DOCK11: variants seen among roughly 807,000 people sequenced by gnomAD.
The protein encoded by DOCK11 is dedicator of cytokinesis 11, also known as dedicator of cytokinesis protein 11.
In DOCK11, 70 loss-of-function variants were observed where a neutral mutation model predicts 169.1. The ratio of observed to expected loss-of-function variants is 0.41; its 90% CI spans 0.34 to 0.51. The LOEUF (loss-of-function observed/expected upper bound fraction) is 0.51, where lower values mean the gene tolerates loss of function less well. Ranked by LOEUF, DOCK11 falls within the 20% of genes least tolerant of loss-of-function variation. The probability of loss-of-function intolerance (pLI) is 0.10; values close to 1 mark genes in which losing one functional copy is unlikely to be tolerated. For synonymous variants in DOCK11, 529 were observed against 541.3 expected (o/e 0.98, Z 0.32); for missense variants, 1,166 against 1,538.8 (o/e 0.76, Z 4.05).
chrX:118,638,263 A>G, intron 37 of DOCK11, 136 bp downstream of exon 37: 1 of 562,154 alleles, frequency 1.8e-6, no homozygotes, highest in Admixed American at 3.6e-5. Context: ...AACATGTCCC[A>G]ATTGAAAGTT....
intron 6 of DOCK11, among the ~76,000 whole-genome samples, chrX:118,553,907 C>T (rs1202982268): frequency 9.0e-6 from 1 of 111,682 alleles, no homozygotes; most frequent in Non-Finnish European, 1.9e-5. Flanking sequence ...TTTGTTTTCT[C>T]TCATTCATAT....
chrX:118,660,589 CGAGTAGCT>C (rs1463843405), intron 44 of DOCK11, among the ~76,000 whole-genome samples: 1 of 109,687 alleles, frequency 9.1e-6, no homozygotes, highest in Non-Finnish European at 1.9e-5. Flanking sequence ...CTCAGCCTCC[CGAGTAGCT>C]GGGACTACAG....
chrX:118,632,325 G>C (rs1218176674), intron 35 of DOCK11: 1 of 111,916 alleles, frequency 8.9e-6, no homozygotes, highest in Admixed American at 9.5e-5. Flanking sequence ...CTTGCTCAGT[G>C]GCAGTACTCT....
rs1054034267 is a variant in DOCK11 at position 118,583,713 on chromosome X, C to T, written c.1596-1022C>T. On this transcript the variant is annotated intron_variant, in intron 14 of 52. Transcript: ENST00000276202. ...ATGGGGCATTGGTTCCAGGATCTCC[C>T]ACAGATACCAAGATCTGCAAATGCT... is the stretch of plus-strand genomic sequence containing the variant. Among the ~76,000 whole-genome samples, 5 of 111,290 alleles carry T rather than the reference C, an allele frequency of 4.5e-5. No individual in the cohort carries two copies. In the Admixed American group the frequency reaches 4.8e-4, roughly 11 times the overall value.
At chrX:118,604,633 T>C (rs1281304467) in intron 23 of DOCK11, among the ~76,000 whole-genome samples, 2 of 107,481 alleles carry the variant, frequency 1.9e-5, no homozygotes, top group East Asian at 2.9e-4. Flanking sequence ...GTTTGTATTA[T>C]TTCTCTGTAT....
Position 118,639,540 on chromosome X carries a change from T to C in DOCK11, c.4107T>C (p.His1369=), listed in dbSNP as rs1327176667. The C allele has an allele frequency of 2.5e-6, 3 of 1,209,203 alleles. No individual in the cohort carries two copies. Among genetic ancestry groups the C allele is most frequent in the Non-Finnish European group, 3.4e-6 (3 of 894,697 alleles). Residue 1369 remains histidine (H), a synonymous_variant, in exon 38 of 53, where the codon CAT becomes CAC. Transcript: ENST00000276202. ...GAGTAATGCAGGCCCGGCTTCAGCA[T>C]CTTAGTAGCCTAGAAAGTTCATTTA... The part of the protein sequence containing the change: ...RSGVMQARLQ[H]LSSLESSFTL...
chrX:118,651,842 G>C (rs1256503471), intron 41 of DOCK11, 122 bp from the exon 42 acceptor site: 1 of 443,202 alleles, frequency 2.3e-6, no homozygotes, highest in East Asian at 3.8e-5. Context: ...CATTATGATG[G>C]TACAGTGTAG....
At chrX:118,592,764 C>T (rs971575344) in intron 19 of DOCK11, among the ~76,000 whole-genome samples, 38 of 112,183 alleles carry the variant, frequency 3.4e-4, no homozygotes, top group African/African-American at 1.2e-3. Context: ...ATAAGACCAT[C>T]GTTACTTTTT....
chrX:118,598,717 T>C (rs1012905170), intron 22 of DOCK11, among the ~76,000 whole-genome samples: 1 of 112,388 alleles, frequency 8.9e-6, no homozygotes, highest in African/African-American at 3.2e-5. Flanking sequence ...TGAAGTGCCA[T>C]GGTAAATTTG....
intron 1 of DOCK11, among the ~76,000 whole-genome samples, chrX:118,496,525 G>T (rs1214067795): frequency 2.7e-5 from 3 of 112,681 alleles, no homozygotes; most frequent in East Asian, 5.6e-4. Flanking sequence ...ACACACTCTC[G>T]CGCGCACACA....
At chrX:118,598,220 A>G in intron 22 of DOCK11, 104 bp downstream of exon 22, 1 of 539,988 alleles carries the variant, frequency 1.9e-6, no homozygotes, top group Admixed American at 3.1e-5. Context: ...GTGACCTGCA[A>G]GATTTTCTCA....
At chrX:118,547,478 A>G (rs141553368) in intron 6 of DOCK11, among the ~76,000 whole-genome samples, 50 of 112,343 alleles carry the variant, frequency 4.5e-4, no homozygotes, top group African/African-American at 1.5e-3. Context: ...ATAATAAGAG[A>G]AACCATTTAT....
intron 1 of DOCK11, among the ~76,000 whole-genome samples, chrX:118,515,420 A>T (rs1193140242): frequency 9.1e-6 from 1 of 110,315 alleles, no homozygotes; most frequent in Non-Finnish European, 1.9e-5. Flanking sequence ...TTTAGTAGAG[A>T]CGGGGTTTCT....
intron 1 of DOCK11, among the ~76,000 whole-genome samples, chrX:118,537,540 A>G (rs1055555365): frequency 8.9e-6 from 1 of 112,360 alleles, no homozygotes. Context: ...ACACATTTCT[A>G]ATGATAACAT....
At chrX:118,499,447 G>A (rs911161673) in intron 1 of DOCK11, among the ~76,000 whole-genome samples, 4 of 111,701 alleles carry the variant, frequency 3.6e-5, no homozygotes, top group African/African-American at 1.3e-4. Context: ...GCCAGATTTC[G>A]TATAATAGCT....
intron 14 of DOCK11, among the ~76,000 whole-genome samples, chrX:118,583,281 G>A (rs943829285): frequency 2.7e-5 from 3 of 110,520 alleles, no homozygotes; most frequent in African/African-American, 9.9e-5. Context: ...CCTTTCGGTG[G>A]GTTGGGGGGC....
Position 118,584,744 on chromosome X carries a change from C to A in DOCK11, c.1605C>A (p.Phe535Leu). 1 of 1,150,013 alleles carries A rather than the reference C, an allele frequency of 8.7e-7. No individual in the cohort carries two copies. The highest frequency in any genetic ancestry group is 1.2e-6 in the Non-Finnish European group (1 of 865,549). The allele number at this position is 1,150,013 out of a possible 1,213,427, so 94.8% of individuals were successfully genotyped here. The change falls in exon 15 of 53, where the codon TTC (phenylalanine) becomes TTA (leucine). Residue 535 changes from phenylalanine to leucine, a missense_variant. Phe to Leu is a conservative substitution (Grantham distance 22, BLOSUM62 0). Coordinates refer to ENST00000276202, the MANE Select transcript of DOCK11 (RefSeq NM_144658.4). ...TCTGTTGCTGTTTTAGACCCATTTTCAAAGATACTCAAGGCTCTCTTGATC... is the reference window on the plus strand; with the variant it reads ...TCTGTTGCTGTTTTAGACCCATTTTAAAAGATACTCAAGGCTCTCTTGATC... ...MPFAWAARPI[F>L]KDTQGSLDLD...
chrX:118,649,241 A>T, intron 41 of DOCK11, 114 bp downstream of exon 41: 1 of 532,064 alleles, frequency 1.9e-6, no homozygotes. Flanking sequence ...CTAGCACTTG[A>T]TGTGTGGCTA....
intron 6 of DOCK11, among the ~76,000 whole-genome samples, chrX:118,547,869 C>T (rs1184416023): frequency 1.8e-5 from 2 of 111,908 alleles, no homozygotes; most frequent in African/African-American, 6.5e-5. Context: ...GACTGCATTC[C>T]CTTTCCCGCA....
Sources: allele counts gnomAD v4.1 joint callset (sites outside exome capture counted in the v4.1 genomes callset), GRCh38; gene constraint gnomAD v4.1.1; transcripts MANE v1.5; gene names NCBI Gene and HGNC (gene_info 2026-07-23, HGNC 2026-07-21).